The following COL19A1 variants were observed in gnomAD, a reference collection of about 807,000 sequenced individuals.
The protein encoded by COL19A1 is collagen alpha-1(XIX) chain.
In COL19A1, 159 loss-of-function variants were observed where a neutral mutation model predicts 190.2. The ratio of observed to expected loss-of-function variants is 0.84; its 90% CI spans 0.73 to 0.95. The LOEUF (loss-of-function observed/expected upper bound fraction) is 0.95. COL19A1 is among the 40% of genes least tolerant of loss of function. The pLI is 0.00. For missense variants in COL19A1, 1,418 were observed against 1,431.9 expected, an observed-to-expected ratio of 0.99 and a Z score of 0.16; for synonymous variants, 509 against 458.9, an observed-to-expected ratio of 1.11 and a Z score of -1.39.
intron 42 of COL19A1, among the ~76,000 whole-genome samples, chr6:70,178,923 TC>T (rs1371228028): frequency 2.0e-5 from 3 of 152,154 alleles, no homozygotes; most frequent in African/African-American, 7.2e-5. Flanking sequence ...CAGCATGCTC[TC>T]CCCCGGATGC....
chr6:70,003,160 G>C (rs141423380), intron 11 of COL19A1, among the ~76,000 whole-genome samples: 2 of 152,270 alleles, frequency 1.3e-5, no homozygotes, highest in East Asian at 3.9e-4. Flanking sequence ...ATTCAGAGGA[G>C]GTTGTTCAAT....
intron 29 of COL19A1, 30 bp downstream of exon 29, chr6:70,149,934 A>G (rs751588086): frequency 6.2e-7 from 1 of 1,613,720 alleles, no homozygotes; most frequent in Admixed American, 1.7e-5. Flanking sequence ...ACCCTCCCCC[A>G]TTTTAATCTG....
At chr6:69,890,891 T>G (rs1036568494) in intron 2 of COL19A1, 1 of 157,540 alleles carries the variant, frequency 6.3e-6, no homozygotes, top group Admixed American at 6.2e-5. Context: ...TACATCTAAT[T>G]GCCATTACAT....
Position 69,900,305 on chromosome 6 carries a change from A to G in COL19A1, c.233A>G (p.Lys78Arg). 2 of 1,592,364 alleles carry G rather than the reference A, an allele frequency of 1.3e-6. No individual in the cohort carries two copies. Among genetic ancestry groups the G allele is most frequent in the Admixed American group, 1.7e-5 (1 of 58,260 alleles). Residue 78 changes from lysine (K) to arginine (R), a missense_variant, in exon 4 of 51, where the codon AAA becomes AGA. Lys to Arg is a conservative substitution (Grantham distance 26, BLOSUM62 2). Coordinates refer to ENST00000620364, the MANE Select transcript of COL19A1 (RefSeq NM_001858.6). ...AFCESDKTCF[K>R]LGSALLIRDT... ...TGTGAAAGTGATAAAACCTGTTTCA[A>G]ATTGGGAAGTGCACTTCTTATTAGA...
chr6:69,896,459 C>T (rs1245980834), intron 2 of COL19A1, among the ~76,000 whole-genome samples: 1 of 146,788 alleles, frequency 6.8e-6, no homozygotes, highest in Non-Finnish European at 1.5e-5. Flanking sequence ...ATGGCGTGAA[C>T]CCGGGAGGCG....
chr6:69,993,684 G>A (rs928498279), intron 11 of COL19A1, among the ~76,000 whole-genome samples: 1 of 151,988 alleles, frequency 6.6e-6, no homozygotes. Context: ...TTCAATCTTG[G>A]GAGGTTGTCT....
At chr6:70,100,958 A>G (rs1213633014) in intron 15 of COL19A1, among the ~76,000 whole-genome samples, 2 of 152,036 alleles carry the variant, frequency 1.3e-5, no homozygotes, top group African/African-American at 2.4e-5. Flanking sequence ...ATCTCTGAAA[A>G]CTTACTCTAC....
intron 4 of COL19A1, among the ~76,000 whole-genome samples, chr6:69,922,477 G>GTTTTTT (rs5877232): frequency 5.5e-5 from 5 of 90,772 alleles, no homozygotes; most frequent in African/African-American, 1.2e-4. Flanking sequence ...TTCTATTTAG[G>GTTTTTT]TTTTTTTTTT....
chr6:70,133,140 A>C (rs1235804159), intron 18 of COL19A1, among the ~76,000 whole-genome samples: 1 of 152,182 alleles, frequency 6.6e-6, no homozygotes, highest in Non-Finnish European at 1.5e-5. Flanking sequence ...ATTTTGACAA[A>C]GAAGGGACTC....
intron 11 of COL19A1, among the ~76,000 whole-genome samples, chr6:70,007,936 C>G (rs1235033468): frequency 1.3e-5 from 2 of 151,752 alleles, no homozygotes; most frequent in African/African-American, 4.8e-5. Flanking sequence ...ATTAAATCTT[C>G]AAATGTTTCA....
At chr6:70,195,682 A>G (rs1767154755) in intron 48 of COL19A1, among the ~76,000 whole-genome samples, 1 of 152,174 alleles carries the variant, frequency 6.6e-6, no homozygotes, top group Non-Finnish European at 1.5e-5. Flanking sequence ...CAGGCTTTCA[A>G]TCAGTGCTCC....
At chr6:70,201,056 A>G (rs759379221) in intron 49 of COL19A1, among the ~76,000 whole-genome samples, 7 of 152,226 alleles carry the variant, frequency 4.6e-5, no homozygotes, top group Non-Finnish European at 1.0e-4. Context: ...GGTTGGGTCT[A>G]TTCTGAAGTC....
At chr6:70,184,796 A>G (rs1766403236) in intron 45 of COL19A1, 58 bp downstream of exon 45, 3 of 1,603,966 alleles carry the variant, frequency 1.9e-6, no homozygotes, top group Non-Finnish European at 2.6e-6. Flanking sequence ...CAGAATACCT[A>G]CCAACATTTA....
intron 12 of COL19A1, among the ~76,000 whole-genome samples, chr6:70,032,848 T>C (rs1015221721): frequency 6.6e-6 from 1 of 152,178 alleles, no homozygotes; most frequent in African/African-American, 2.4e-5. Context: ...ATAATAAATC[T>C]ATTCACAGAA....
rs802175 is a variant in COL19A1 at position 70,166,154 on chromosome 6, T to C, written c.2445+169T>C. ...TTTAAAGAGACCTGATTTGTTCTCC[T>C]TTTGGTTCAGCCTCAATGTGCAATG... On this transcript the variant is annotated intron_variant, in intron 37 of 50. Transcript: ENST00000620364. The C allele has an allele frequency of 0.73, 470,692 of 644,760 alleles. 174,271 individuals carry two copies. Among genetic ancestry groups the C allele is most frequent in the African/African-American group, 0.91 (49,939 of 54,874 alleles). 39.9% of individuals were successfully genotyped at this position (644,760 alleles called of 1,614,324 possible).
chr6:69,901,385 G>A (rs900361251), intron 4 of COL19A1, among the ~76,000 whole-genome samples: 1 of 152,158 alleles, frequency 6.6e-6, no homozygotes, highest in South Asian at 2.1e-4. Context: ...CCTATTTTGT[G>A]ATACTTTTGG....
chr6:70,146,861 C>CA lies in COL19A1; in HGVS notation c.1866dup (p.Gln623ThrfsTer39). Reference sequence around the variant, plus strand: ...CACGGTTCCCCAGGGGACATAGGCCCACAAGGGATAGGAATTCCTGGCAGA... The same window carrying CA: ...CACGGTTCCCCAGGGGACATAGGCCCAACAAGGGATAGGAATTCCTGGCAGA... On this transcript the variant is annotated frameshift_variant, in exon 27 of 51. Coordinates refer to ENST00000620364, the MANE Select transcript of COL19A1 (RefSeq NM_001858.6). LOFTEE classifies it high-confidence loss of function. 1 of 1,586,538 alleles carries CA rather than the reference C, an allele frequency of 6.3e-7. No individual in the cohort carries two copies. Among genetic ancestry groups the CA allele is most frequent in the Non-Finnish European group, 8.6e-7 (1 of 1,169,044 alleles).
At chr6:70,036,357 T>C (rs10945192) in intron 14 of COL19A1, among the ~76,000 whole-genome samples, 59,734 of 152,086 alleles carry the variant, frequency 0.39, 13,564 homozygotes, top group Non-Finnish European at 0.51. Context: ...CTATTTAAAC[T>C]GGTAATTACA....
chr6:70,179,219 G>A (rs773643728), intron 42 of COL19A1, among the ~76,000 whole-genome samples: 2 of 152,092 alleles, frequency 1.3e-5, no homozygotes, highest in African/African-American at 2.4e-5. Flanking sequence ...ATCTCCTTCC[G>A]GAATTCTAAG....
Sources: allele counts gnomAD v4.1 joint callset (sites outside exome capture counted in the v4.1 genomes callset), GRCh38; gene constraint gnomAD v4.1.1; transcripts MANE v1.5; gene names NCBI Gene and HGNC (gene_info 2026-07-23, HGNC 2026-07-21).